The following SLC14A2 variants were observed in gnomAD, a reference collection of about 807,000 sequenced individuals.
SLC14A2 encodes solute carrier family 14 member 2, also known as urea transporter 2.
In SLC14A2, 91 loss-of-function variants were observed where a neutral mutation model predicts 104.6. The observed-to-expected ratio is 0.87, with a 90% CI of 0.73 to 1.04. The LOEUF is 1.04. SLC14A2 is among the 50% of genes least tolerant of loss of function. The pLI is 0.00. For synonymous variants in SLC14A2, 476 were observed against 466.4 expected, an observed-to-expected ratio of 1.02 and a Z score of -0.27; for missense variants, 1,189 against 1,156.0, an observed-to-expected ratio of 1.03 and a Z score of -0.41.
chr18:45,295,052 G>A (rs1318002977), intron 1 of SLC14A2, among the ~76,000 whole-genome samples: 1 of 152,096 alleles, frequency 6.6e-6, no homozygotes, highest in African/African-American at 2.4e-5. Context: ...GACACGTAAT[G>A]TGCTGCGAGC....
At chr18:45,357,237 A>ATTT (rs56321113) in intron 1 of SLC14A2, among the ~76,000 whole-genome samples, 2,817 of 126,402 alleles carry the variant, frequency 0.022, 63 homozygotes, top group Non-Finnish European at 0.026. Context: ...TTGGGACACA[A>ATTT]TTTTTTTTTT....
At chr18:45,345,054 C>G (rs1347379888) in intron 1 of SLC14A2, among the ~76,000 whole-genome samples, 1 of 152,148 alleles carries the variant, frequency 6.6e-6, no homozygotes, top group Non-Finnish European at 1.5e-5. Context: ...TAGCCTGAGA[C>G]AGTGTGTAAT....
chr18:45,268,799 G>T (rs1446726697), intron 1 of SLC14A2, among the ~76,000 whole-genome samples: 3 of 152,116 alleles, frequency 2.0e-5, no homozygotes, highest in Admixed American at 1.3e-4. Context: ...GACAGATAAG[G>T]CTGGACAGTC....
At chr18:45,480,278 T>G (rs1319893982) in intron 1 of SLC14A2, among the ~76,000 whole-genome samples, 1 of 152,228 alleles carries the variant, frequency 6.6e-6, no homozygotes, top group Non-Finnish European at 1.5e-5. Flanking sequence ...TTCTTCAATT[T>G]CTTTTAGAGA....
At chr18:45,208,311 G>C (rs949904372), upstream of SLC14A2, among the ~76,000 whole-genome samples, 6 of 152,098 alleles carry the variant, frequency 3.9e-5, no homozygotes, top group African/African-American at 1.4e-4. Flanking sequence ...TAATAATAAA[G>C]CTTTGTCGTG....
intron 2 of SLC14A2, among the ~76,000 whole-genome samples, chr18:45,511,606 T>C (rs965968467): frequency 6.6e-6 from 1 of 152,184 alleles, no homozygotes; most frequent in Non-Finnish European, 1.5e-5. Flanking sequence ...AGTGAGCACC[T>C]TGAAAGGTGA....
rs776809719 is a variant in SLC14A2, at chr18:45,643,175, G to C, written c.1170G>C (p.Met390Ile). ...TGGAAGCAGCCATCTCCAACATCAT[G>C]TCAGTGGTAAGTGTGGATTCTCCTG... Reference protein sequence around the residue: ...AYMEAAISNIMSVVGVPPGTW... With the variant: ...AYMEAAISNIISVVGVPPGTW... The change falls in exon 9 of 20, where the codon ATG becomes ATC. Residue 390 changes from methionine (M) to isoleucine (I), a missense_variant. Transcript: ENST00000255226. 1.2e-5 allele frequency: 19 copies of C among 1,613,880 alleles called. No homozygotes were observed. Among genetic ancestry groups the C allele is most frequent in the Middle Eastern group, 1.6e-4 (1 of 6,084 alleles).
At chr18:45,566,252 G>T (rs990385983) in intron 2 of SLC14A2, among the ~76,000 whole-genome samples, 3 of 152,184 alleles carry the variant, frequency 2.0e-5, no homozygotes, top group African/African-American at 7.2e-5. Context: ...GAGGCTTGGA[G>T]AAGTTTAGGA....
intron 1 of SLC14A2, among the ~76,000 whole-genome samples, chr18:45,402,133 T>C (rs1233098392): frequency 6.6e-6 from 1 of 152,066 alleles, no homozygotes; most frequent in African/African-American, 2.4e-5. Flanking sequence ...CACAGTTCCT[T>C]TGGAGGTCTT....
intron 1 of SLC14A2, among the ~76,000 whole-genome samples, chr18:45,461,364 T>C (rs1162451672): frequency 6.6e-6 from 1 of 152,132 alleles, no homozygotes; most frequent in African/African-American, 2.4e-5. Context: ...GCTGCCTAGG[T>C]TGGGTGTAAT....
intron 2 of SLC14A2, among the ~76,000 whole-genome samples, chr18:45,579,168 C>A (rs1238643134): frequency 6.6e-6 from 1 of 152,188 alleles, no homozygotes; most frequent in African/African-American, 2.4e-5. Context: ...CTGGTCACAG[C>A]AAATCACAAG....
chr18:45,527,556 G>C (rs1337658320), intron 2 of SLC14A2, among the ~76,000 whole-genome samples: 1 of 152,142 alleles, frequency 6.6e-6, no homozygotes, highest in Non-Finnish European at 1.5e-5. Flanking sequence ...AACATTTAGA[G>C]AAAATAAATA....
intron 2 of SLC14A2, among the ~76,000 whole-genome samples, chr18:45,555,932 C>T (rs567596958): frequency 4.1e-4 from 63 of 152,294 alleles, no homozygotes; most frequent in African/African-American, 1.5e-3. Flanking sequence ...TGTGCAGGGT[C>T]CAGCTCATTG....
intron 1 of SLC14A2, among the ~76,000 whole-genome samples, chr18:45,394,950 C>G (rs1395127471): frequency 6.6e-6 from 1 of 152,128 alleles, no homozygotes; most frequent in Non-Finnish European, 1.5e-5. Context: ...GCCATATGAT[C>G]CAGCAATCAC....
chr18:45,457,910 T>C (rs890374918), intron 1 of SLC14A2, among the ~76,000 whole-genome samples: 1 of 152,126 alleles, frequency 6.6e-6, no homozygotes, highest in Non-Finnish European at 1.5e-5. Flanking sequence ...TGGAGTCAGA[T>C]GCTGTCCTAT....
chr18:45,492,173 C>G (rs187762486), intron 2 of SLC14A2: 2 of 152,300 alleles, frequency 1.3e-5, no homozygotes, highest in African/African-American at 4.8e-5. Context: ...CAAAATGGTC[C>G]CTATTGGCTG....
intron 1 of SLC14A2, among the ~76,000 whole-genome samples, chr18:45,242,389 G>C (rs190840789): frequency 4.0e-4 from 61 of 152,312 alleles, no homozygotes; most frequent in Non-Finnish European, 7.5e-4. Flanking sequence ...CGGCAGAGCA[G>C]CCCTTTTGAG....
At chr18:45,385,433 A>G (rs923257946) in intron 1 of SLC14A2, among the ~76,000 whole-genome samples, 1 of 152,216 alleles carries the variant, frequency 6.6e-6, no homozygotes, top group Non-Finnish European at 1.5e-5. Context: ...CGGGATTCAA[A>G]TCAGCAGAAA....
chr18:45,332,115 A>C (rs938907859), intron 1 of SLC14A2, among the ~76,000 whole-genome samples: 8 of 152,214 alleles, frequency 5.3e-5, no homozygotes, highest in African/African-American at 9.6e-5. Context: ...GGAAGCTGTA[A>C]CATTCCAATC....
Sources: gnomAD v4.1 joint callset for allele counts (sites outside exome capture counted in the v4.1 genomes callset) on GRCh38, gnomAD v4.1.1 for gene constraint, MANE v1.5 for transcripts, NCBI Gene and HGNC (gene_info 2026-07-23, HGNC 2026-07-21) for gene names.